SMG6: variants seen among roughly 807,000 people sequenced by gnomAD.
SMG6 encodes telomerase-binding protein EST1A.
SMG6 carries 66 observed loss-of-function variants against 142.2 expected under a neutral mutation model. The ratio of observed to expected loss-of-function variants is 0.46; its 90% CI spans 0.38 to 0.57. The LOEUF is 0.57. Ranked by LOEUF, SMG6 falls within the 20% of genes least tolerant of loss-of-function variation. The pLI, the probability that SMG6 is intolerant of heterozygous loss-of-function variation, is 0.00. For missense variants in SMG6, 1,793 were observed against 1,832.0 expected, an observed-to-expected ratio of 0.98 and a Z score of 0.39; for synonymous variants, 779 against 702.4, an observed-to-expected ratio of 1.11 and a Z score of -1.72.
chr17:2,259,861 G>A (rs1188095565), intron 8 of SMG6, among the ~76,000 whole-genome samples: 2 of 152,110 alleles, frequency 1.3e-5, no homozygotes, highest in South Asian at 2.1e-4. Context: ...AAAGGAGAAC[G>A]AAGCTTCAGT....
At chr17:2,138,919 A>C (rs575495965) in intron 13 of SMG6, among the ~76,000 whole-genome samples, 1 of 152,346 alleles carries the variant, frequency 6.6e-6, no homozygotes, top group African/African-American at 2.4e-5. Context: ...TGGGTCATGC[A>C]TGGTTTATTT....
intron 10 of SMG6, among the ~76,000 whole-genome samples, chr17:2,208,245 A>G (rs1050947897): frequency 2.6e-5 from 4 of 151,642 alleles, no homozygotes; most frequent in Non-Finnish European, 4.4e-5. Flanking sequence ...TCCTACCCCC[A>G]CTCTCCACAG....
intron 13 of SMG6, among the ~76,000 whole-genome samples, chr17:2,156,851 C>G (rs892683520): frequency 6.6e-6 from 1 of 152,190 alleles, no homozygotes; most frequent in Admixed American, 6.5e-5. Flanking sequence ...CAAGGTCTCA[C>G]TATGTTGCCC....
At chr17:2,185,748 G>A (rs2071961212) in intron 12 of SMG6, among the ~76,000 whole-genome samples, 1 of 151,582 alleles carries the variant, frequency 6.6e-6, no homozygotes, top group Non-Finnish European at 1.5e-5. Flanking sequence ...GCGAGGTGTA[G>A]TGAGAAGACG....
rs2067975296 is a variant in SMG6 at position 2,067,147 on chromosome 17, C to G, written c.3836-1468G>C. On this transcript the variant is annotated intron_variant, in intron 16 of 18. Transcript: ENST00000263073. ...AGCACAACTGTCAGTTCCCAGCACC[C>G]TTAGGCGTCGTCTCTTTGTCCTGCA... Among the ~76,000 whole-genome samples, 3 of 152,200 alleles carry G rather than the reference C, an allele frequency of 2.0e-5. No individual in the cohort carries two copies. In the South Asian group the frequency reaches 6.2e-4, roughly 31 times the overall value.
intron 15 of SMG6, among the ~76,000 whole-genome samples, chr17:2,076,429 C>T (rs946098104): frequency 1.3e-5 from 2 of 152,188 alleles, no homozygotes; most frequent in African/African-American, 2.4e-5. Flanking sequence ...TGGATTTTCC[C>T]CCCTTAAATT....
chr17:2,161,164 G>A (rs1001019161), intron 13 of SMG6, among the ~76,000 whole-genome samples: 25 of 150,978 alleles, frequency 1.7e-4, no homozygotes, highest in African/African-American at 5.6e-4. Context: ...CTGGAGTGCA[G>A]GGGCGCGATC....
intron 13 of SMG6, among the ~76,000 whole-genome samples, chr17:2,116,897 C>T (rs892565410): frequency 1.3e-5 from 2 of 150,492 alleles, no homozygotes; most frequent in Admixed American, 6.6e-5. Context: ...CCAAGAAAAA[C>T]ATGGGTAAAA....
intron 13 of SMG6, among the ~76,000 whole-genome samples, chr17:2,093,262 A>G (rs931913242): frequency 6.6e-6 from 1 of 151,762 alleles, no homozygotes; most frequent in African/African-American, 2.4e-5. Context: ...AAACAAACAA[A>G]CAAACAAAAA....
Position 2,186,754 on chromosome 17 carries a change from G to C in SMG6, c.3064C>G (p.Leu1022Val). The change falls in exon 12 of 19, where the codon CTG becomes GTG. Residue 1022 changes from leucine (L) to valine (V), a missense_variant. Physicochemically the swap from Leu to Val is conservative, Grantham distance 32. Coordinates refer to ENST00000263073, the MANE Select transcript of SMG6 (RefSeq NM_017575.5). The stretch of plus-strand genomic sequence containing the variant: ...GACCAGACTTTGACACTGGGGAGCA[G>C]CTCCTTCAGGTCCGGGACAAAGGAA... ...VSSFVPDLKELLPSVKVWSDW... is the reference protein window; with the variant it reads ...VSSFVPDLKEVLPSVKVWSDW... 1 of 1,614,254 alleles carries C rather than the reference G, an allele frequency of 6.2e-7. No homozygotes were observed. The highest frequency in any genetic ancestry group is 2.2e-5 in the East Asian group (1 of 44,886).
intron 8 of SMG6, among the ~76,000 whole-genome samples, chr17:2,251,286 C>T (rs1013898963): frequency 1.4e-4 from 21 of 151,072 alleles, no homozygotes; most frequent in Non-Finnish European, 2.5e-4. Context: ...AAAAAAAGCA[C>T]GGGAAAACCA....
intron 13 of SMG6, among the ~76,000 whole-genome samples, chr17:2,135,140 A>C (rs2070253179): frequency 6.6e-6 from 1 of 152,188 alleles, no homozygotes; most frequent in African/African-American, 2.4e-5. Flanking sequence ...TCGGCCTCCC[A>C]AAGTGCTGGG....
intron 8 of SMG6, among the ~76,000 whole-genome samples, chr17:2,276,221 C>T (rs140350802): frequency 6.6e-6 from 1 of 152,240 alleles, no homozygotes; most frequent in African/African-American, 2.4e-5. Context: ...ATTTTGTTTA[C>T]AAGAAACACC....
intron 13 of SMG6, chr17:2,087,299 C>CT: frequency 8.0e-7 from 1 of 1,246,648 alleles, no homozygotes; most frequent in Non-Finnish European, 1.0e-6. Context: ...CCCATGTTCT[C>CT]TAAGACAGTG....
At position 2,076,330 on chromosome 17, in the gene SMG6, A is replaced by G. The variant is rs1331795067; in HGVS notation, c.3681+5480T>C. On this transcript the variant is annotated intron_variant, in intron 15 of 18. Coordinates refer to ENST00000263073, the MANE Select transcript of SMG6 (RefSeq NM_017575.5). ...TCGATGCTCCTTTCTTCCTTATTGT[A>G]TTAGTGTGACCCAGGTACCTGCCAA... Among the ~76,000 whole-genome samples the G allele has an allele frequency of 2.6e-5, 4 of 152,078 alleles. No homozygotes were observed. The East Asian group carries it at 7.7e-4, about 29-fold the overall frequency.
chr17:2,217,313 T>C (rs1204707960), intron 10 of SMG6, among the ~76,000 whole-genome samples: 2 of 152,026 alleles, frequency 1.3e-5, no homozygotes, highest in East Asian at 3.8e-4. Context: ...TAAAACATGT[T>C]TAATTCTACC....
At chr17:2,074,586 T>G (rs1437225298) in intron 15 of SMG6, among the ~76,000 whole-genome samples, 1 of 152,236 alleles carries the variant, frequency 6.6e-6, no homozygotes, top group Non-Finnish European at 1.5e-5. Context: ...TATGGCAATT[T>G]GTTTGCTATT....
chr17:2,066,694 C>CACACACACACA lies in SMG6; in HGVS notation c.3836-1016_3836-1015insTGTGTGTGTGT, dbSNP rs1375441508. 1.5e-4 allele frequency among the ~76,000 whole-genome samples: 22 copies of CACACACACACA among 150,862 alleles called. No individual in the cohort carries two copies. The South Asian group carries it at 4.0e-3, about 28-fold the overall frequency. ...ACACACACACACACACACACACACA[C>CACACACACACA]AATGCCCATGCTTTCGGCACCCTGA... On this transcript the variant is annotated intron_variant, in intron 16 of 18. Transcript: ENST00000263073.
chr17:2,258,034 A>G (rs868667873), intron 8 of SMG6, among the ~76,000 whole-genome samples: 1 of 108,238 alleles, frequency 9.2e-6, no homozygotes, highest in Non-Finnish European at 1.9e-5. Context: ...AAAAAAAAAA[A>G]ATATACACAC....
Sources: allele counts gnomAD v4.1 joint callset (sites outside exome capture counted in the v4.1 genomes callset), GRCh38; gene constraint gnomAD v4.1.1; transcripts MANE v1.5; gene names NCBI Gene and HGNC (gene_info 2026-07-23, HGNC 2026-07-21).